The following IRF5 variants were observed in gnomAD, a reference collection of about 807,000 sequenced individuals.
The protein encoded by IRF5 is interferon regulatory factor 5.
A neutral mutation model predicts 55.1 loss-of-function variants in IRF5; 24 were observed. That is an observed-to-expected ratio of 0.44 (90% CI 0.32 to 0.61). The LOEUF (loss-of-function observed/expected upper bound fraction) is 0.61. Among genes scored for constraint, IRF5 ranks in the 20% least tolerant of loss-of-function variants. IRF5 has a pLI of 0.07. For missense variants in IRF5, 499 were observed against 658.5 expected, an observed-to-expected ratio of 0.76 and a Z score of 2.65; for synonymous variants, 258 against 260.2, an observed-to-expected ratio of 0.99 and a Z score of 0.08.
At position 128,948,980 on chromosome 7, in the gene IRF5, C is replaced by T; in HGVS notation, c.*162C>T. ...GAAGGAGAGGGAGAAAGGCCCGAGC[C>T]CCTGCCTTCCCGGGCCTTTCTCTCC... On this transcript the variant is annotated 3_prime_UTR_variant, in exon 9 of 9. Coordinates refer to ENST00000357234, the MANE Select transcript of IRF5 (RefSeq NM_001098629.3). The surrounding 1 kb of genome is among the most constrained non-coding windows in gnomAD (Gnocchi z 4.6). 1.2e-6 allele frequency: 1 copy of T among 814,924 alleles called. No homozygotes were observed. The highest frequency in any genetic ancestry group is 1.9e-6 in the Non-Finnish European group (1 of 532,544). The allele number at this position is 814,924 out of a possible 1,614,324, so 50.5% of individuals were successfully genotyped here.
In IRF5 at chr7:128,946,677, C is replaced by T. The variant is rs1354553109; in HGVS notation, c.447+115C>T. The T allele has an allele frequency of 5.6e-6, 4 of 711,394 alleles. No individual in the cohort carries two copies. The highest frequency in any genetic ancestry group is 3.5e-5 in the African/African-American group (2 of 56,738). The allele number at this position is 711,394 out of a possible 1,614,324, so 44.1% of individuals were successfully genotyped here. A position where few individuals can be genotyped will look rare whatever the true frequency, so the allele number is the denominator to read the frequency against. On this transcript the variant is annotated intron_variant, in intron 4 of 8. Coordinates refer to ENST00000357234, the MANE Select transcript of IRF5 (RefSeq NM_001098629.3). The surrounding 1 kb of genome is among the most constrained non-coding windows in gnomAD (Gnocchi z 4.2). ...GAGCCCCGTGGCCCTCTCAATAGTT[C>T]TCCTTGTTTCTTCTCCTGGGATTCT...
chr7:128,944,781 G>A (rs180804257), intron 2 of IRF5, among the ~76,000 whole-genome samples: 2 of 152,284 alleles, frequency 1.3e-5, no homozygotes, highest in Admixed American at 6.5e-5. Flanking sequence ...ACAGTTTCCT[G>A]CTTTTTCTTT....
At chr7:128,937,309 C>T (rs1485767648), upstream of IRF5, among the ~76,000 whole-genome samples, 3 of 152,132 alleles carry the variant, frequency 2.0e-5, no homozygotes, top group East Asian at 3.9e-4. Context: ...TTTATGGAAT[C>T]GAAAACGGTT....
Position 128,945,848 on chromosome 7 carries a change from T to C in IRF5, c.199T>C (p.Trp67Arg). 1 of 1,607,462 alleles carries C rather than the reference T, an allele frequency of 6.2e-7. No individual in the cohort carries two copies. The highest frequency in any genetic ancestry group is 1.7e-5 in the Admixed American group (1 of 57,646). Reference protein sequence around the residue: ...QDGDNTIFKAWAKETGKYTEG... With the variant: ...QDGDNTIFKARAKETGKYTEG... ...CGGCTATTTCTTCCTGCCCCAGGCC[T>C]GGGCCAAGGAGACAGGGAAATACAC... The change falls in exon 3 of 9, where the codon TGG becomes CGG. Residue 67 changes from tryptophan to arginine, a missense_variant. Around this residue, in one of 2 missense-constraint regions of IRF5, gnomAD observed 305 missense variants for 340.2 expected, o/e 0.90. Transcript: ENST00000357234.
In IRF5 at chr7:128,948,203, G is replaced by C. The variant is rs761103782; in HGVS notation, c.1181-7G>C. 1 of 1,612,172 alleles carries C rather than the reference G, an allele frequency of 6.2e-7. No individual in the cohort carries two copies. The highest frequency in any genetic ancestry group is 2.2e-5 in the East Asian group (1 of 44,880). On this transcript the variant is annotated splice_polypyrimidine_tract_variant and splice_region_variant and intron_variant, in intron 7 of 8. Coordinates refer to ENST00000357234, the MANE Select transcript of IRF5 (RefSeq NM_001098629.3). The surrounding 1 kb of genome is among the most constrained non-coding windows in gnomAD (Gnocchi z 4.6). Reference sequence around the variant, plus strand: ...GCCTCTGACTAGGGACCTTGATTTTGATGCAGAGCTCATCCTGTTCCAAAA... The same window carrying C: ...GCCTCTGACTAGGGACCTTGATTTTCATGCAGAGCTCATCCTGTTCCAAAA...
intron 2 of IRF5, among the ~76,000 whole-genome samples, chr7:128,944,612 G>C (rs552666642): frequency 6.6e-6 from 1 of 152,126 alleles, no homozygotes; most frequent in African/African-American, 2.4e-5. Context: ...AGAGGCAGCC[G>C]TGTTGTCATT....
At position 128,946,308 on chromosome 7, in the gene IRF5, G is replaced by A. The variant is rs1222805298; in HGVS notation, c.386-193G>A. On this transcript the variant is annotated intron_variant, in intron 3 of 8. Transcript: ENST00000357234. The surrounding 1 kb of genome is among the most constrained non-coding windows in gnomAD (Gnocchi z 4.2). ...CGTTTTGGCTTCTGGCTCCAGCCTA[G>A]GTCTCATGGCCCATGGAGTCGGGGA... is the stretch of plus-strand genomic sequence containing the variant. 6.6e-6 allele frequency among the ~76,000 whole-genome samples: 1 copy of A among 152,236 alleles called. No homozygotes were observed. The highest frequency in any genetic ancestry group is 2.4e-5 in the African/African-American group (1 of 41,458).
intron 2 of IRF5, chr7:128,942,979 A>G (rs1796108856): frequency 6.7e-6 from 1 of 149,458 alleles, no homozygotes; most frequent in Non-Finnish European, 1.5e-5. Context: ...TAAATTTTCT[A>G]ATTTTTTTTA....
chr7:128,947,457 G>A lies in IRF5; in HGVS notation c.709G>A (p.Gly237Arg). 1 of 1,611,676 alleles carries A rather than the reference G, an allele frequency of 6.2e-7. No individual in the cohort carries two copies. The highest frequency in any genetic ancestry group is 1.1e-5 in the South Asian group (1 of 90,970). ...GCTTCTCTCTGAGGTCCTGGAGCCT[G>A]GGCCCCTGCCTGCCAGCCTGCCCCC... ...RELLSEVLEP[G>R]PLPASLPPAG... The change falls in exon 6 of 9, where the codon GGG becomes AGG. Residue 237 changes from glycine (G) to arginine (R), a missense_variant. Gly to Arg is a moderately radical substitution (Grantham distance 125, BLOSUM62 -2). Transcript: ENST00000357234. The surrounding 1 kb of genome is among the most constrained non-coding windows in gnomAD (Gnocchi z 6.5).
At chr7:128,938,606 T>C (rs1246971851) in intron 1 of IRF5, among the ~76,000 whole-genome samples, 1 of 151,950 alleles carries the variant, frequency 6.6e-6, no homozygotes, top group Admixed American at 6.5e-5. Flanking sequence ...TGTGCAAGAG[T>C]TTGGGGGAAG....
Position 128,947,471 on chromosome 7 carries a change from C to T in IRF5, c.723C>T (p.Ala241=), listed in dbSNP as rs1463580303. The T allele has an allele frequency of 1.2e-6, 2 of 1,608,982 alleles. No individual in the cohort carries two copies. Among genetic ancestry groups the T allele is most frequent in the Non-Finnish European group, 1.7e-6 (2 of 1,178,462 alleles). ...TCCTGGAGCCTGGGCCCCTGCCTGCCAGCCTGCCCCCTGCAGGCGAACAGC... is the reference window on the plus strand; with the variant it reads ...TCCTGGAGCCTGGGCCCCTGCCTGCTAGCCTGCCCCCTGCAGGCGAACAGC... ...SEVLEPGPLP[A]SLPPAGEQLL... The change falls in exon 6 of 9, where the codon GCC becomes GCT. Residue 241 remains alanine, a synonymous_variant. Transcript: ENST00000357234. This position sits in a 1 kb window ranked among gnomAD's most constrained non-coding sequence, Gnocchi z 6.5.
intron 2 of IRF5, among the ~76,000 whole-genome samples, chr7:128,944,831 G>A (rs569435331): frequency 2.0e-5 from 3 of 152,196 alleles, no homozygotes; most frequent in African/African-American, 4.8e-5. Flanking sequence ...TGGGTTGGCC[G>A]TAATTTCACC....
In IRF5 at chr7:128,947,309, G is replaced by T. The variant is rs375983447; in HGVS notation, c.561G>T (p.Pro187=). The change falls in exon 6 of 9, where the codon CCG becomes CCT. Residue 187 remains proline, a synonymous_variant. Coordinates refer to ENST00000357234, the MANE Select transcript of IRF5 (RefSeq NM_001098629.3). This position sits in a 1 kb window ranked among gnomAD's most constrained non-coding sequence, Gnocchi z 6.5. ...EDVKWPPTLQ[P]PTLRPPTLQP... ...TCAAGTGGCCGCCCACTCTGCAGCC[G>T]CCCACTCTGCGGCCGCCTACTCTGC... 2.4e-6 allele frequency: 1 copy of T among 415,912 alleles called. No homozygotes were observed. The highest frequency in any genetic ancestry group is 3.4e-6 in the Non-Finnish European group (1 of 293,224). The allele number at this position is 415,912 out of a possible 1,614,324, so 25.8% of individuals were successfully genotyped here.
rs748201100 is a variant in IRF5 at position 128,948,169 on chromosome 7, A to G, written c.1181-41A>G. 6.2e-7 allele frequency: 1 copy of G among 1,611,726 alleles called. No homozygotes were observed. The highest frequency in any genetic ancestry group is 1.7e-5 in the Admixed American group (1 of 59,938). On this transcript the variant is annotated intron_variant, in intron 7 of 8. Transcript: ENST00000357234. This position sits in a 1 kb window ranked among gnomAD's most constrained non-coding sequence, Gnocchi z 4.6. ...CTCCTGGCTGCCTCTTGCCCAGGGC[A>G]TGGTTCCAGCCTCTGACTAGGGACC...
chr7:128,949,062 A>T lies in IRF5; in HGVS notation c.*244A>T, dbSNP rs1445889008. 2 of 544,062 alleles carry T rather than the reference A, an allele frequency of 3.7e-6. No individual in the cohort carries two copies. Among genetic ancestry groups the T allele is most frequent in the African/African-American group, 3.8e-5 (2 of 52,776 alleles). The allele number at this position is 544,062 out of a possible 1,614,324, so 33.7% of individuals were successfully genotyped here. A position where few individuals can be genotyped will look rare whatever the true frequency, so the allele number is the denominator to read the frequency against. On this transcript the variant is annotated 3_prime_UTR_variant, in exon 9 of 9. Coordinates refer to ENST00000357234, the MANE Select transcript of IRF5 (RefSeq NM_001098629.3). ...TCGGGAAATTCAGCCATGAGCAGGG[A>T]AAGAACTCTCCCAACCCTGGGGCCT...
At chr7:128,945,748 T>TC (rs1229521833) in intron 2 of IRF5, 97 bp from the exon 3 acceptor site, 1 of 1,233,434 alleles carries the variant, frequency 8.1e-7, no homozygotes, top group African/African-American at 1.5e-5. Flanking sequence ...TAGCCGAAGT[T>TC]CTCCCCACAC....
chr7:128,948,430 G>A lies in IRF5; in HGVS notation c.1299+102G>A, dbSNP rs1208033755. On this transcript the variant is annotated intron_variant, in intron 8 of 8. Coordinates refer to ENST00000357234, the MANE Select transcript of IRF5 (RefSeq NM_001098629.3). The surrounding 1 kb of genome is among the most constrained non-coding windows in gnomAD (Gnocchi z 4.6). Reference sequence around the variant, plus strand: ...GGAGGCTCAGGGCTCCCTGAGCAGTGTGAACTTGGCGGCCAGAGACCATCA... The same window carrying A: ...GGAGGCTCAGGGCTCCCTGAGCAGTATGAACTTGGCGGCCAGAGACCATCA... 1.4e-6 allele frequency: 2 copies of A among 1,465,586 alleles called. No individual in the cohort carries two copies. Among genetic ancestry groups the A allele is most frequent in the Admixed American group, 3.7e-5 (2 of 53,440 alleles). 90.8% of individuals were successfully genotyped at this position (1,465,586 alleles called of 1,614,324 possible).
intron 2 of IRF5, among the ~76,000 whole-genome samples, chr7:128,944,336 A>G (rs929069607): frequency 6.6e-6 from 1 of 151,920 alleles, no homozygotes; most frequent in African/African-American, 2.4e-5. Flanking sequence ...CCTTTTTTTC[A>G]TCCTCAATTA....
chr7:128,938,361 T>A (rs1198436386), intron 1 of IRF5: 1 of 151,926 alleles, frequency 6.6e-6, no homozygotes, highest in Admixed American at 6.6e-5. Flanking sequence ...GGCGGCGGAG[T>A]GGGCAGCGCT....
Sources: allele counts gnomAD v4.1 joint callset (sites outside exome capture counted in the v4.1 genomes callset), GRCh38; gene constraint gnomAD v4.1.1; regional missense constraint gnomAD v4.1.1; non-coding constraint Gnocchi (gnomAD v3.1); transcripts MANE v1.5; gene names NCBI Gene and HGNC (gene_info 2026-07-23, HGNC 2026-07-21).